Variants in MAP6 observed in about 807,000 individuals in gnomAD.
MAP6 encodes microtubule associated protein 6.
Under a neutral mutation model 42.4 loss-of-function variants are expected in MAP6, and 26 were observed. The observed-to-expected ratio is 0.61, with a 90% confidence interval of 0.45 to 0.85. MAP6 has a LOEUF of 0.85. MAP6 is among the 40% of genes least tolerant of loss of function. The probability of loss-of-function intolerance (pLI) is 0.00; values close to 1 mark genes in which losing one functional copy is unlikely to be tolerated. For synonymous variants in MAP6, 418 were observed against 443.8 expected (o/e 0.94, Z 0.73); for missense variants, 966 against 1,099.0 (o/e 0.88, Z 1.71).
At chr11:75,607,233 C>T (rs563878989) in intron 2 of MAP6, 336 of 985,368 alleles carry the variant, frequency 3.4e-4, no homozygotes, top group Middle Eastern at 5.2e-4. Context: ...TGGTCCTGGG[C>T]CAAATAGGAA....
At chr11:75,630,563 A>G (rs1167891073) in intron 1 of MAP6, among the ~76,000 whole-genome samples, 1 of 152,240 alleles carries the variant, frequency 6.6e-6, no homozygotes, top group Non-Finnish European at 1.5e-5. Context: ...AAAAGTCCAG[A>G]CTGAAGTCCA....
chr11:75,640,838 A>G (rs1473543260), intron 1 of MAP6, among the ~76,000 whole-genome samples: 1 of 152,124 alleles, frequency 6.6e-6, no homozygotes, highest in Non-Finnish European at 1.5e-5. Context: ...GAAACAACAG[A>G]TGCTGGAGAG....
chr11:75,602,010 C>A (rs1942671758), intron 3 of MAP6, among the ~76,000 whole-genome samples: 1 of 151,920 alleles, frequency 6.6e-6, no homozygotes, highest in Non-Finnish European at 1.5e-5. Flanking sequence ...TCCTGGTTTC[C>A]CTAGTGCCCA....
intron 1 of MAP6, among the ~76,000 whole-genome samples, chr11:75,625,685 C>A (rs1317741062): frequency 2.0e-5 from 3 of 152,140 alleles, no homozygotes; most frequent in East Asian, 1.9e-4. Flanking sequence ...AGTTTCTGTA[C>A]AGAAAACAAA....
At chr11:75,606,045 G>A in intron 2 of MAP6, 41 bp from the exon 3 acceptor site, 1 of 1,603,262 alleles carries the variant, frequency 6.2e-7, no homozygotes, top group Non-Finnish European at 8.5e-7. Context: ...AACACAAAAA[G>A]GTGGGGCGTG....
chr11:75,630,739 A>G (rs1184564901), intron 1 of MAP6, among the ~76,000 whole-genome samples: 1 of 152,222 alleles, frequency 6.6e-6, no homozygotes, highest in African/African-American at 2.4e-5. Context: ...ACTCATTACT[A>G]ATTAAAGGAA....
chr11:75,605,538 G>A, intron 3 of MAP6: 2 of 1,253,470 alleles, frequency 1.6e-6, no homozygotes, highest in Non-Finnish European at 2.0e-6. Context: ...TCAGCATGCA[G>A]TCAGAGTGCC....
intron 1 of MAP6, among the ~76,000 whole-genome samples, chr11:75,623,571 G>A (rs2135619047): frequency 6.6e-6 from 1 of 152,208 alleles, no homozygotes; most frequent in East Asian, 1.9e-4. Context: ...TTTGTTATTT[G>A]TTTCCAAGCT....
At chr11:75,595,143 C>T (rs747123138) in intron 3 of MAP6, among the ~76,000 whole-genome samples, 4 of 152,240 alleles carry the variant, frequency 2.6e-5, no homozygotes, top group Non-Finnish European at 4.4e-5. Flanking sequence ...AGCCGCTGCT[C>T]GCACTGCCTG....
At chr11:75,618,573 T>A (rs1355016896) in intron 1 of MAP6, among the ~76,000 whole-genome samples, 1 of 151,828 alleles carries the variant, frequency 6.6e-6, no homozygotes, top group Admixed American at 6.6e-5. Context: ...GCCATTGCAC[T>A]CCAGCCTGGG....
Position 75,668,510 on chromosome 11 carries a change from C to T in MAP6, c.-141G>A. 1 of 1,266,008 alleles carries T rather than the reference C, an allele frequency of 7.9e-7. No homozygotes were observed. The highest frequency in any genetic ancestry group is 1.0e-6 in the Non-Finnish European group (1 of 978,132). 78.4% of individuals were successfully genotyped at this position (1,266,008 alleles called of 1,614,324 possible). On this transcript the variant is annotated 5_prime_UTR_variant, in exon 1 of 4. Coordinates refer to ENST00000304771, the MANE Select transcript of MAP6 (RefSeq NM_033063.2). The stretch of plus-strand genomic sequence containing the variant: ...CCCCGATCAGCCGGAGCTAGTTCGC[C>T]CTCCTCCCTCAGCGAGCACCCGGGG...
Position 75,610,917 on chromosome 11 carries a change from T to C in MAP6, c.906-2595A>G, listed in dbSNP as rs17134161. Reference sequence around the variant, plus strand: ...ATAGGCTTTGGAAAGAGGTTGAAGCTCTCCTGATTCTGTTCACGGCATCCC... The same window carrying C: ...ATAGGCTTTGGAAAGAGGTTGAAGCCCTCCTGATTCTGTTCACGGCATCCC... On this transcript the variant is annotated intron_variant, in intron 1 of 3. Coordinates refer to ENST00000304771, the MANE Select transcript of MAP6 (RefSeq NM_033063.2). Among the ~76,000 whole-genome samples, 1,363 of 151,878 alleles carry C rather than the reference T, an allele frequency of 9.0e-3. 74 individuals carry two copies. In the East Asian group the frequency reaches 0.14, roughly 16 times the overall value.
At chr11:75,626,266 T>C (rs1183592515) in intron 1 of MAP6, among the ~76,000 whole-genome samples, 3 of 152,176 alleles carry the variant, frequency 2.0e-5, no homozygotes, top group African/African-American at 7.2e-5. Context: ...ATAAGAATCA[T>C]GGAGTAGCAG....
In MAP6 at chr11:75,587,084, G is replaced by A. The variant is rs573813818; in HGVS notation, c.2417C>T (p.Thr806Met). 4.1e-5 allele frequency: 65 copies of A among 1,601,916 alleles called. No individual in the cohort carries two copies. The highest frequency in any genetic ancestry group is 1.7e-4 in the Middle Eastern group (1 of 6,006). Residue 806 changes from threonine to methionine, a missense_variant, in exon 4 of 4, where the codon ACG becomes ATG. Physicochemically the swap from Thr to Met is moderately conservative, Grantham distance 81. Transcript: ENST00000304771. ...TCAAGGGGAGCTCTCAATGTATTCCGTATGGGGGGCAGTTGGGATCATGAC... is the reference window on the plus strand; with the variant it reads ...TCAAGGGGAGCTCTCAATGTATTCCATATGGGGGGCAGTTGGGATCATGAC... ...PRVMIPTAPH[T>M]EYIESSP
Position 75,649,647 on chromosome 11 carries a change from T to A in MAP6, c.905+17818A>T, listed in dbSNP as rs1055702064. On this transcript the variant is annotated intron_variant, in intron 1 of 3. Coordinates refer to ENST00000304771, the MANE Select transcript of MAP6 (RefSeq NM_033063.2). Reference sequence around the variant, plus strand: ...TCTGCCGCCCACGTTCAAGCGATTCTCCTGCCTCAGCCTCCCAAGTAGCTG... The same window carrying A: ...TCTGCCGCCCACGTTCAAGCGATTCACCTGCCTCAGCCTCCCAAGTAGCTG... 3.9e-5 allele frequency among the ~76,000 whole-genome samples: 6 copies of A among 152,238 alleles called. No individual in the cohort carries two copies. The East Asian group carries it at 1.2e-3, about 29-fold the overall frequency.
At chr11:75,616,114 C>T (rs1383003518) in intron 1 of MAP6, among the ~76,000 whole-genome samples, 1 of 152,218 alleles carries the variant, frequency 6.6e-6, no homozygotes, top group Non-Finnish European at 1.5e-5. Context: ...TGAAGAACAT[C>T]TGCATATGTT....
At chr11:75,603,753 TG>T in intron 3 of MAP6, 6 of 985,272 alleles carry the variant, frequency 6.1e-6, no homozygotes, top group Non-Finnish European at 7.2e-6. Context: ...CCTAGCACAG[TG>T]CCTGGCACAC....
Position 75,595,085 on chromosome 11 carries a change from A to G in MAP6, c.1317-6901T>C, listed in dbSNP as rs1286388035. 2.6e-5 allele frequency among the ~76,000 whole-genome samples: 4 copies of G among 152,350 alleles called. No homozygotes were observed. The East Asian group carries it at 5.8e-4, about 22-fold the overall frequency. ...GGCTGGAAGGATAGACTGCTGGGCC[A>G]TGGGTCTCCTGAGCCTCTGCTGCAA... On this transcript the variant is annotated intron_variant, in intron 3 of 3. Coordinates refer to ENST00000304771, the MANE Select transcript of MAP6 (RefSeq NM_033063.2).
At chr11:75,614,348 G>A (rs370854442) in intron 1 of MAP6, among the ~76,000 whole-genome samples, 30 of 152,234 alleles carry the variant, frequency 2.0e-4, no homozygotes, top group African/African-American at 6.7e-4. Context: ...TCTACCTTAC[G>A]TAGAGCTTAA....
Sources: gnomAD v4.1 joint callset for allele counts (sites outside exome capture counted in the v4.1 genomes callset) on GRCh38, gnomAD v4.1.1 for gene constraint, MANE v1.5 for transcripts, NCBI Gene and HGNC (gene_info 2026-07-23, HGNC 2026-07-21) for gene names.